MAP4K4: variants seen among roughly 807,000 people sequenced by gnomAD.
The protein encoded by MAP4K4 is HPK/GCK-like kinase HGK.
MAP4K4 carries 38 observed loss-of-function variants against 189.6 expected under a neutral mutation model. The observed-to-expected ratio is 0.20, with a 90% CI of 0.15 to 0.26. The LOEUF is 0.26. MAP4K4 is among the 10% of genes least tolerant of loss of function. The probability of loss-of-function intolerance (pLI) is 1.00; values close to 1 mark genes in which losing one functional copy is unlikely to be tolerated. For missense variants in MAP4K4, 1,054 were observed against 1,726.9 expected (o/e 0.61, Z 6.91); for synonymous variants, 610 against 624.3 (o/e 0.98, Z 0.34).
intron 22 of MAP4K4, 85 bp from the exon 23 acceptor site, chr2:101,870,210 T>C: frequency 7.1e-7 from 1 of 1,416,518 alleles, no homozygotes; most frequent in Non-Finnish European, 9.7e-7. Flanking sequence ...TCTCATGTTT[T>C]GATTTTGAGA....
chr2:101,747,345 C>T (rs1272201878), intron 2 of MAP4K4, among the ~76,000 whole-genome samples: 2 of 152,078 alleles, frequency 1.3e-5, no homozygotes, highest in Non-Finnish European at 2.9e-5. Context: ...TGTTGAACTC[C>T]TGACCTCAGG....
intron 5 of MAP4K4, among the ~76,000 whole-genome samples, chr2:101,829,040 A>G (rs951585197): frequency 6.6e-6 from 1 of 152,184 alleles, no homozygotes; most frequent in African/African-American, 2.4e-5. Flanking sequence ...GCAGTTTGTC[A>G]CTGTGCAGTG....
chr2:101,721,767 C>G (rs907649072), intron 2 of MAP4K4, among the ~76,000 whole-genome samples: 1 of 152,070 alleles, frequency 6.6e-6, no homozygotes, highest in Non-Finnish European at 1.5e-5. Context: ...AGCCTTTCGA[C>G]CCACCTGCTC....
intron 12 of MAP4K4, 148 bp from the exon 13 acceptor site, chr2:101,855,829 G>A (rs1368101031): frequency 4.6e-6 from 3 of 651,038 alleles, no homozygotes; most frequent in Non-Finnish European, 5.2e-6. Context: ...GGTCCGAGGG[G>A]CAGTGTGGAA....
At chr2:101,866,306 G>A (rs936782949) in intron 18 of MAP4K4, 122 bp from the exon 19 acceptor site, 2 of 783,320 alleles carry the variant, frequency 2.6e-6, no homozygotes, top group African/African-American at 1.7e-5. Flanking sequence ...GCTGTTTATA[G>A]ACTGTTTTTT....
chr2:101,867,114 G>T, intron 19 of MAP4K4, 98 bp from the exon 20 acceptor site: 1 of 727,506 alleles, frequency 1.4e-6, no homozygotes. Flanking sequence ...TACCATGAGT[G>T]GGCAGACAGG....
At chr2:101,867,910 C>T (rs573416099) in intron 20 of MAP4K4, 119 bp from the exon 21 acceptor site, 4 of 957,094 alleles carry the variant, frequency 4.2e-6, no homozygotes, top group Admixed American at 2.0e-5. Context: ...TTTTCATTTC[C>T]TGCTTGAACT....
At chr2:101,737,455 ATATATATTTTTTTT>A (rs1227606697) in intron 2 of MAP4K4, among the ~76,000 whole-genome samples, 133 of 36,472 alleles carry the variant, frequency 3.6e-3, no homozygotes, top group African/African-American at 0.018. Context: ...ATATATATAT[ATATATATTTTTTTT>A]TTTTTTTTTT....
intron 7 of MAP4K4, among the ~76,000 whole-genome samples, chr2:101,832,282 T>C (rs1481080476): frequency 6.6e-6 from 1 of 152,204 alleles, no homozygotes; most frequent in African/African-American, 2.4e-5. Context: ...TTATTTAAAT[T>C]ATTAGAGTGA....
intron 27 of MAP4K4, among the ~76,000 whole-genome samples, 196 bp from the exon 28 acceptor site, chr2:101,882,354 TA>T (rs1177794175): frequency 6.6e-6 from 1 of 152,238 alleles, no homozygotes; most frequent in Non-Finnish European, 1.5e-5. Context: ...ATTTGATTTA[TA>T]GGAGTTTTTT....
intron 2 of MAP4K4, among the ~76,000 whole-genome samples, chr2:101,768,342 A>G (rs753888183): frequency 6.6e-6 from 1 of 152,196 alleles, no homozygotes; most frequent in Non-Finnish European, 1.5e-5. Context: ...TTTTGATACT[A>G]TTAACTGCTT....
chr2:101,767,738 T>A (rs1442088797), intron 2 of MAP4K4, among the ~76,000 whole-genome samples: 2 of 152,208 alleles, frequency 1.3e-5, no homozygotes, highest in Non-Finnish European at 2.9e-5. Context: ...AGATGCTCCT[T>A]CTAACTGACA....
intron 3 of MAP4K4, among the ~76,000 whole-genome samples, chr2:101,806,747 C>T (rs2094978784): frequency 6.6e-6 from 1 of 152,160 alleles, no homozygotes; most frequent in African/African-American, 2.4e-5. Context: ...CTGGATTTTT[C>T]TCCCCCTGAA....
intron 12 of MAP4K4, among the ~76,000 whole-genome samples, chr2:101,845,380 T>C (rs1035890313): frequency 1.3e-5 from 2 of 152,176 alleles, no homozygotes; most frequent in African/African-American, 4.8e-5. Flanking sequence ...AAATATATTA[T>C]TTCCCTATAC....
Position 101,740,151 on chromosome 2 carries a change from CTTT to C in MAP4K4, c.123+41631_123+41633del, listed in dbSNP as rs71250687. ...TGGCTTCAAAGTTGCTTTATATCAT[CTTT>C]TTTTTTTTTTTTTTTTTGAGACGGA... On this transcript the variant is annotated intron_variant, in intron 2 of 32. Transcript: ENST00000324219. 5.7e-5 allele frequency among the ~76,000 whole-genome samples: 5 copies of C among 87,184 alleles called. 1 individual carries two copies. The highest frequency in any genetic ancestry group is 6.2e-4 in the East Asian group (2 of 3,230). The allele number at this position is 87,184 out of a possible 152,430, so 57.2% of individuals were successfully genotyped here.
At chr2:101,734,591 CA>C (rs11353716) in intron 2 of MAP4K4, among the ~76,000 whole-genome samples, 114,553 of 152,092 alleles carry the variant, frequency 0.75, 43,603 homozygotes, top group African/African-American at 0.88. Flanking sequence ...CCCGCGCACA[CA>C]ATCAGAGCCA....
chr2:101,815,999 G>A (rs1253350053), intron 3 of MAP4K4, among the ~76,000 whole-genome samples: 1 of 152,136 alleles, frequency 6.6e-6, no homozygotes, highest in African/African-American at 2.4e-5. Flanking sequence ...TCTGTCCTGC[G>A]ACTGCAGCTG....
At chr2:101,790,830 C>T (rs895855220) in intron 3 of MAP4K4, 54 bp downstream of exon 3, 17 of 1,373,518 alleles carry the variant, frequency 1.2e-5, no homozygotes, top group Non-Finnish European at 1.5e-5. Context: ...GACAAAGATT[C>T]CCCCAACAAC....
intron 2 of MAP4K4, among the ~76,000 whole-genome samples, chr2:101,700,567 A>G (rs1326345749): frequency 1.3e-5 from 2 of 152,224 alleles, no homozygotes; most frequent in African/African-American, 2.4e-5. Flanking sequence ...CATAAAGACT[A>G]GAGAGCTCAG....
Sources: gnomAD v4.1 joint callset for allele counts (sites outside exome capture counted in the v4.1 genomes callset) on GRCh38, gnomAD v4.1.1 for gene constraint, MANE v1.5 for transcripts, NCBI Gene and HGNC (gene_info 2026-07-23, HGNC 2026-07-21) for gene names.